Variants in ADGRL2 observed in about 807,000 individuals in gnomAD.
The protein encoded by ADGRL2 is adhesion G protein-coupled receptor L2, also known as calcium-independent alpha-latrotoxin receptor 2.
Under a neutral mutation model 157.4 loss-of-function variants are expected in ADGRL2, and 44 were observed. The ratio of observed to expected loss-of-function variants is 0.28; its 90% confidence interval spans 0.22 to 0.36. ADGRL2 has a LOEUF of 0.36. Among genes scored for constraint, ADGRL2 ranks in the 10% least tolerant of loss-of-function variants. The probability of loss-of-function intolerance (pLI) is 1.00; values close to 1 mark genes in which losing one functional copy is unlikely to be tolerated. For synonymous variants in ADGRL2, 585 were observed against 624.7 expected (o/e 0.94, Z 0.95); for missense variants, 1,510 against 1,768.9 (o/e 0.85, Z 2.63).
At chr1:81,989,202 C>A (rs2149527055) in intron 23 of ADGRL2, among the ~76,000 whole-genome samples, 1 of 152,310 alleles carries the variant, frequency 6.6e-6, no homozygotes, top group South Asian at 2.1e-4. Flanking sequence ...CTATCTTCAG[C>A]AGACTTATCC....
intron 3 of ADGRL2, among the ~76,000 whole-genome samples, chr1:81,693,446 T>C (rs930911616): frequency 3.3e-5 from 5 of 152,226 alleles, no homozygotes; most frequent in Non-Finnish European, 5.9e-5. Context: ...GGCTAATGCA[T>C]TCGTCTGCAC....
At chr1:81,903,462 T>C (rs1319918778) in intron 2 of ADGRL2, among the ~76,000 whole-genome samples, 1 of 152,048 alleles carries the variant, frequency 6.6e-6, no homozygotes, top group Non-Finnish European at 1.5e-5. Flanking sequence ...CTAAGCTCCC[T>C]GCATGGGTTA....
chr1:81,846,070 C>G (rs1482465277), intron 2 of ADGRL2, among the ~76,000 whole-genome samples: 1 of 151,808 alleles, frequency 6.6e-6, no homozygotes, highest in Non-Finnish European at 1.5e-5. Flanking sequence ...AATCTAAGGT[C>G]TTTGATCACT....
intron 3 of ADGRL2, among the ~76,000 whole-genome samples, chr1:81,694,065 A>G (rs1363247969): frequency 6.6e-6 from 1 of 152,234 alleles, no homozygotes; most frequent in Non-Finnish European, 1.5e-5. Context: ...CAGTTAGCTG[A>G]GTCCTAAGGG....
At chr1:81,392,006 G>A (rs1402513224) in intron 1 of ADGRL2, among the ~76,000 whole-genome samples, 6 of 152,080 alleles carry the variant, frequency 3.9e-5, no homozygotes, top group Admixed American at 2.6e-4. Context: ...GGAGCATGAA[G>A]CATGGGAGAA....
chr1:81,719,250 C>A (rs981812107), intron 1 of ADGRL2, among the ~76,000 whole-genome samples: 3 of 151,518 alleles, frequency 2.0e-5, no homozygotes, highest in African/African-American at 7.2e-5. Context: ...GAAAGAATAT[C>A]TCTAGTCATA....
chr1:81,345,133 G>C (rs1192825025), intron 1 of ADGRL2, among the ~76,000 whole-genome samples: 2 of 152,320 alleles, frequency 1.3e-5, no homozygotes, highest in Non-Finnish European at 2.9e-5. Context: ...TGATCCAAGA[G>C]AGGAAGAACC....
chr1:81,765,510 A>T (rs1428026794), intron 2 of ADGRL2, among the ~76,000 whole-genome samples: 1 of 152,086 alleles, frequency 6.6e-6, no homozygotes, highest in African/African-American at 2.4e-5. Flanking sequence ...AAATGCAAAT[A>T]TATATTTTAT....
intron 2 of ADGRL2, among the ~76,000 whole-genome samples, chr1:81,563,053 T>C (rs2080479186): frequency 6.6e-6 from 1 of 152,164 alleles, no homozygotes; most frequent in Non-Finnish European, 1.5e-5. Context: ...TGTAATACAC[T>C]GTATTTAACT....
intron 18 of ADGRL2, chr1:81,981,196 C>T (rs1466069741): frequency 6.5e-6 from 2 of 305,734 alleles, no homozygotes; most frequent in African/African-American, 2.3e-5. Context: ...TTAAATCCTT[C>T]TCATTCCGTC....
At chr1:81,591,894 G>A (rs1457313833) in intron 3 of ADGRL2, among the ~76,000 whole-genome samples, 1 of 152,110 alleles carries the variant, frequency 6.6e-6, no homozygotes, top group African/African-American at 2.4e-5. Flanking sequence ...TGACACCCTA[G>A]CCTTAGATGG....
intron 2 of ADGRL2, among the ~76,000 whole-genome samples, chr1:81,454,848 A>T (rs2077771273): frequency 6.6e-6 from 1 of 152,192 alleles, no homozygotes; most frequent in African/African-American, 2.4e-5. Context: ...CGTCAAAGAT[A>T]AGTTCCCATA....
intron 2 of ADGRL2, among the ~76,000 whole-genome samples, chr1:81,450,595 G>A (rs1021505879): frequency 1.3e-5 from 2 of 152,066 alleles, no homozygotes; most frequent in Admixed American, 6.6e-5. Flanking sequence ...TCACTGTCTA[G>A]TGATGCTTTT....
In ADGRL2 at chr1:81,983,983, C is replaced by T. The variant is rs183331786; in HGVS notation, c.3283-600C>T. ...CTCTACACTAAATGTTAAAGCTAGA[C>T]ACATCAGAAAATGAAGAAAACATTC... On this transcript the variant is annotated intron_variant, in intron 19 of 23. Transcript: ENST00000686636. 2.3e-3 allele frequency among the ~76,000 whole-genome samples: 346 copies of T among 152,108 alleles called. 1 individual carries two copies. The highest frequency in any genetic ancestry group is 2.0e-3 in the Non-Finnish European group (134 of 67,984).
chr1:81,971,894 T>C lies in ADGRL2; in HGVS notation c.2997T>C (p.Ile999=). 6.2e-7 allele frequency: 1 copy of C among 1,612,032 alleles called. No individual in the cohort carries two copies. The highest frequency in any genetic ancestry group is 8.5e-7 in the Non-Finnish European group (1 of 1,178,800). The change falls in exon 17 of 24, where the codon ATT becomes ATC. Residue 999 remains isoleucine, a synonymous_variant. Coordinates refer to ENST00000686636, the MANE Select transcript of ADGRL2 (RefSeq NM_001366006.2). The part of the protein sequence containing the change: ...HVDNYFIWSF[I]GPVTFIILLN... ...ATAACTACTTTATATGGAGCTTCATTGGACCTGTTACCTTCATTATTCTGG... is the reference window on the plus strand; with the variant it reads ...ATAACTACTTTATATGGAGCTTCATCGGACCTGTTACCTTCATTATTCTGG...
chr1:81,924,353 A>G (rs959160458), intron 3 of ADGRL2, among the ~76,000 whole-genome samples: 1 of 152,156 alleles, frequency 6.6e-6, no homozygotes, highest in African/African-American at 2.4e-5. Flanking sequence ...GTACATAGTC[A>G]TTTATGTGAG....
chr1:81,423,415 C>T (rs950777643), intron 1 of ADGRL2, among the ~76,000 whole-genome samples: 1 of 152,092 alleles, frequency 6.6e-6, no homozygotes, highest in African/African-American at 2.4e-5. Flanking sequence ...CTATTCAATG[C>T]TGTCTTGTCA....
intron 2 of ADGRL2, among the ~76,000 whole-genome samples, chr1:81,793,421 A>G (rs2087440750): frequency 6.6e-6 from 1 of 152,126 alleles, no homozygotes; most frequent in East Asian, 1.9e-4. Flanking sequence ...GCTTAGCTCT[A>G]TGCAAGAGTT....
At chr1:81,325,649 C>G (rs1365344049) in intron 1 of ADGRL2, among the ~76,000 whole-genome samples, 1 of 152,214 alleles carries the variant, frequency 6.6e-6, no homozygotes, top group Admixed American at 6.5e-5. Context: ...GCCAAGAATT[C>G]TCTTCCAATA....
Sources: allele counts gnomAD v4.1 joint callset (sites outside exome capture counted in the v4.1 genomes callset), GRCh38; gene constraint gnomAD v4.1.1; transcripts MANE v1.5; gene names NCBI Gene and HGNC (gene_info 2026-07-23, HGNC 2026-07-21).